Variants in SGCD observed in about 807,000 individuals in gnomAD.
SGCD encodes the protein sarcoglycan delta, also known as delta-sarcoglycan.
In SGCD, 18 loss-of-function variants were observed where a neutral mutation model predicts 36.6. The ratio of observed to expected loss-of-function variants is 0.49; its 90% confidence interval spans 0.34 to 0.73. SGCD has a LOEUF of 0.73. Ranked by LOEUF, SGCD falls within the 30% of genes least tolerant of loss-of-function variation. The pLI is 0.01. For synonymous variants in SGCD, 133 were observed against 130.6 expected, an observed-to-expected ratio of 1.02 and a Z score of -0.12; for missense variants, 387 against 346.7, an observed-to-expected ratio of 1.12 and a Z score of -0.92.
chr5:156,453,596 T>A lies in SGCD; in HGVS notation c.193-55005T>A, dbSNP rs572223485. Among the ~76,000 whole-genome samples, 49 of 152,286 alleles carry A rather than the reference T, an allele frequency of 3.2e-4. 1 individual carries two copies. The highest frequency in any genetic ancestry group is 1.0e-3 in the African/African-American group (43 of 41,560). On this transcript the variant is annotated intron_variant, in intron 3 of 8. Transcript: ENST00000337851. Reference sequence around the variant, plus strand: ...GACATTTTACAATATCTGGAGATATTTTTATTTGTCAAAATTGGGAAGGGC... The same window carrying A: ...GACATTTTACAATATCTGGAGATATATTTATTTGTCAAAATTGGGAAGGGC...
chr5:156,757,710 G>A lies in SGCD; in HGVS notation c.699+6G>A. 1 of 1,600,012 alleles carries A rather than the reference G, an allele frequency of 6.2e-7. No homozygotes were observed. Among genetic ancestry groups the A allele is most frequent in the Non-Finnish European group, 8.5e-7 (1 of 1,173,282 alleles). ...TGGAATCCAAAGATGGAGAGGTGAGGGATGAGAAGGACAGAAGTTCAAAGA... is the reference window on the plus strand; with the variant it reads ...TGGAATCCAAAGATGGAGAGGTGAGAGATGAGAAGGACAGAAGTTCAAAGA... On this transcript the variant is annotated splice_donor_region_variant and intron_variant, in intron 8 of 8. Transcript: ENST00000337851.
At chr5:155,842,574 C>T in the SGCD span, among the ~76,000 whole-genome samples, 26 of 147,652 alleles carry the variant, frequency 1.8e-4, no homozygotes, top group African/African-American at 4.5e-4. Flanking sequence ...TCCATCTCAA[C>T]GGAAAAAAAA....
intron 4 of SGCD, among the ~76,000 whole-genome samples, chr5:156,531,126 C>T (rs114067600): frequency 1.6e-3 from 244 of 152,260 alleles, no homozygotes; most frequent in Non-Finnish European, 3.0e-3. Flanking sequence ...ACAGAGGTTT[C>T]GTGCAGTGTT....
chr5:156,758,659 G>A (rs1757425792), intron 8 of SGCD, among the ~76,000 whole-genome samples: 1 of 152,040 alleles, frequency 6.6e-6, no homozygotes, highest in African/African-American at 2.4e-5. Context: ...TTTGAACTCT[G>A]GAGGAATCAG....
At chr5:156,477,842 G>T (rs1026503437) in intron 3 of SGCD, among the ~76,000 whole-genome samples, 3 of 152,156 alleles carry the variant, frequency 2.0e-5, no homozygotes, top group Admixed American at 2.0e-4. Context: ...GGTGCAAAAT[G>T]CAGCATCTCT....
the SGCD span, among the ~76,000 whole-genome samples, chr5:155,818,116 C>T: frequency 3.9e-5 from 6 of 152,074 alleles, no homozygotes; most frequent in Middle Eastern, 3.4e-3. Flanking sequence ...AAGCTTTCAA[C>T]GTAGAAGAGG....
the SGCD span, among the ~76,000 whole-genome samples, chr5:155,779,909 G>A: frequency 1.3e-5 from 2 of 152,012 alleles, no homozygotes; most frequent in African/African-American, 4.8e-5. Flanking sequence ...GGAAATCTGA[G>A]TACTTTCTCA....
chr5:156,094,850 A>T (rs919770502), intron 1 of SGCD, among the ~76,000 whole-genome samples: 1 of 152,078 alleles, frequency 6.6e-6, no homozygotes, highest in Non-Finnish European at 1.5e-5. Context: ...AAAATACAAA[A>T]ATTAGCTGGG....
At chr5:156,753,044 C>T (rs749925952) in intron 7 of SGCD, among the ~76,000 whole-genome samples, 5 of 152,028 alleles carry the variant, frequency 3.3e-5, no homozygotes, top group South Asian at 2.1e-4. Flanking sequence ...AAGTGTGGCC[C>T]GCCGAAACAA....
At position 156,248,983 on chromosome 5, in the gene SGCD, T is replaced by G. The variant is rs78355685; in HGVS notation, c.-43-80551T>G. Reference sequence around the variant, plus strand: ...TTTAAACCTGGAAGGAGACTGGGTTTGGAGAAGGGAGACATTCATTCTCTT... The same window carrying G: ...TTTAAACCTGGAAGGAGACTGGGTTGGGAGAAGGGAGACATTCATTCTCTT... On this transcript the variant is annotated intron_variant, in intron 3 of 9. Transcript: ENST00000517913. Among the ~76,000 whole-genome samples, 48 of 152,290 alleles carry G rather than the reference T, an allele frequency of 3.2e-4. No individual in the cohort carries two copies. In the East Asian group the frequency reaches 9.1e-3, roughly 29 times the overall value.
intron 3 of SGCD, among the ~76,000 whole-genome samples, chr5:156,367,378 AAAC>A (rs138548425): frequency 0.055 from 8,414 of 152,220 alleles, 548 homozygotes; most frequent in African/African-American, 0.16. Context: ...ATTTTTTTTA[AAAC>A]AACAACAACA....
intron 7 of SGCD, among the ~76,000 whole-genome samples, chr5:156,653,440 T>C (rs1763542047): frequency 7.7e-6 from 1 of 129,586 alleles, no homozygotes; most frequent in Admixed American, 9.3e-5. Flanking sequence ...GCTTGTAATG[T>C]CACCTTTGTC....
At chr5:156,332,839 G>T (rs1768136863) in intron 2 of SGCD, among the ~76,000 whole-genome samples, 1 of 152,198 alleles carries the variant, frequency 6.6e-6, no homozygotes, top group Admixed American at 6.5e-5. Context: ...ATTTTCTCGG[G>T]TGATAGAAAT....
At chr5:156,553,187 G>C (rs1461466635) in intron 4 of SGCD, among the ~76,000 whole-genome samples, 1 of 152,132 alleles carries the variant, frequency 6.6e-6, no homozygotes, top group African/African-American at 2.4e-5. Flanking sequence ...CCAATGGAGG[G>C]CATTCATCTG....
intron 1 of SGCD, among the ~76,000 whole-genome samples, chr5:156,039,188 C>G (rs972640201): frequency 6.7e-6 from 1 of 150,172 alleles, no homozygotes; most frequent in Admixed American, 6.6e-5. Flanking sequence ...TTAGTTTTTG[C>G]TCCTGTCATA....
At chr5:156,167,126 C>T (rs571416659) in intron 3 of SGCD, among the ~76,000 whole-genome samples, 3 of 152,188 alleles carry the variant, frequency 2.0e-5, no homozygotes, top group Non-Finnish European at 4.4e-5. Flanking sequence ...CCTTTGCTTC[C>T]CAGTTCTCTC....
intron 1 of SGCD, among the ~76,000 whole-genome samples, chr5:156,102,181 A>G (rs1239819614): frequency 6.6e-6 from 1 of 152,046 alleles, no homozygotes; most frequent in Non-Finnish European, 1.5e-5. Flanking sequence ...CCAGAATTAT[A>G]AAAAATATCA....
chr5:155,843,966 T>C, the SGCD span, among the ~76,000 whole-genome samples: 1 of 152,256 alleles, frequency 6.6e-6, no homozygotes, highest in South Asian at 2.1e-4. Flanking sequence ...GTTTCTGTTA[T>C]ATCCAAAAGA....
rs1243399644 is a variant in SGCD at position 156,205,838 on chromosome 5, C to T, written c.-44+81819C>T. ...ATCTAGGAGTCAATGGGATTCTCGT[C>T]GTCCTAGCTCCATTACAGATGAGGT... On this transcript the variant is annotated intron_variant, in intron 3 of 9. Transcript: ENST00000517913. 2.0e-5 allele frequency among the ~76,000 whole-genome samples: 3 copies of T among 151,768 alleles called. 1 individual carries two copies. Among genetic ancestry groups the T allele is most frequent in the Non-Finnish European group, 4.4e-5 (3 of 67,878 alleles).
Sources: gnomAD v4.1 joint callset for allele counts (sites outside exome capture counted in the v4.1 genomes callset) on GRCh38, gnomAD v4.1.1 for gene constraint, MANE v1.5 for transcripts, NCBI Gene and HGNC (gene_info 2026-07-23, HGNC 2026-07-21) for gene names.